FAM227B: variants seen among roughly 807,000 people sequenced by gnomAD.
FAM227B encodes family with sequence similarity 227 member B.
FAM227B carries 88 observed loss-of-function variants against 73.8 expected under a neutral mutation model. The observed-to-expected ratio is 1.19, with a 90% confidence interval of 1.00 to 1.42. The LOEUF is 1.42. Among genes scored for constraint, FAM227B ranks in the 40% most tolerant of loss-of-function variants. FAM227B has a pLI of 0.00. For synonymous variants in FAM227B, 210 were observed against 190.5 expected (o/e 1.10, Z -0.84); for missense variants, 632 against 590.9 (o/e 1.07, Z -0.72).
Position 49,518,789 on chromosome 15 carries a change from C to A in FAM227B, c.875-10441G>T, listed in dbSNP as rs567653143. Among the ~76,000 whole-genome samples, 141 of 152,274 alleles carry A rather than the reference C, an allele frequency of 9.3e-4. 5 individuals carry two copies. The South Asian group carries it at 0.027, about 29-fold the overall frequency. On this transcript the variant is annotated intron_variant, in intron 10 of 15. Transcript: ENST00000299338. ...GGTGGGGGACACAGCCAAACCATAT[C>A]ATTCCATGCCTGGCCCCTCCCAAAA...
chr15:49,414,129 C>T (rs754270212), intron 11 of FAM227B, among the ~76,000 whole-genome samples: 15 of 152,058 alleles, frequency 9.9e-5, no homozygotes, highest in Admixed American at 3.3e-4. Flanking sequence ...GCACACTATT[C>T]GAATACAGAG....
chr15:49,424,250 A>G, intron 11 of FAM227B: 1 of 1,534,554 alleles, frequency 6.5e-7, no homozygotes, highest in Non-Finnish European at 8.9e-7. Context: ...TCAACTCAAG[A>G]TTCATTTTCA....
chr15:49,502,750 G>A (rs1271200020), intron 11 of FAM227B, among the ~76,000 whole-genome samples: 1 of 152,108 alleles, frequency 6.6e-6, no homozygotes, highest in East Asian at 1.9e-4. Context: ...AGGGGTCAGT[G>A]GTGAAATGAT....
chr15:49,535,241 C>T (rs186410150), intron 10 of FAM227B, among the ~76,000 whole-genome samples: 26 of 151,262 alleles, frequency 1.7e-4, no homozygotes, highest in South Asian at 2.1e-4. Context: ...AAAGTGGAGA[C>T]GTTACAAGAG....
rs180960920 is a variant in FAM227B, at chr15:49,420,796, C to T, written c.1013-49397G>A. ...TCTCTGCTCACTGCAAGCTCTGCTT[C>T]CCAGGTTCACACCATTTTCCTGCCT... On this transcript the variant is annotated intron_variant, in intron 11 of 15. Coordinates refer to ENST00000299338, the MANE Select transcript of FAM227B (RefSeq NM_152647.3). 1.1e-4 allele frequency among the ~76,000 whole-genome samples: 16 copies of T among 152,284 alleles called. No homozygotes were observed. In the East Asian group the frequency reaches 3.1e-3, roughly 29 times the overall value.
At chr15:49,595,976 C>T (rs556446035) in intron 3 of FAM227B, among the ~76,000 whole-genome samples, 1 of 152,014 alleles carries the variant, frequency 6.6e-6, no homozygotes, top group South Asian at 2.1e-4. Flanking sequence ...GATTATGTTA[C>T]ATGACCAAAC....
intron 11 of FAM227B, among the ~76,000 whole-genome samples, chr15:49,464,539 T>C (rs1360682339): frequency 6.6e-6 from 1 of 152,168 alleles, no homozygotes; most frequent in Non-Finnish European, 1.5e-5. Flanking sequence ...TATATATAGG[T>C]AGGCAAAAAA....
intron 11 of FAM227B, among the ~76,000 whole-genome samples, chr15:49,447,886 A>G (rs1331680030): frequency 6.6e-6 from 1 of 151,734 alleles, no homozygotes; most frequent in Non-Finnish European, 1.5e-5. Flanking sequence ...TTTGTTTTTC[A>G]TGCCAATTAA....
At chr15:49,587,125 A>G (rs1460671015) in intron 5 of FAM227B, among the ~76,000 whole-genome samples, 1 of 152,212 alleles carries the variant, frequency 6.6e-6, no homozygotes, top group Non-Finnish European at 1.5e-5. Context: ...TGTGGTATAT[A>G]TACACCACGG....
chr15:49,380,759 G>C (rs1284281753), intron 11 of FAM227B, among the ~76,000 whole-genome samples: 1 of 150,718 alleles, frequency 6.6e-6, no homozygotes, highest in Non-Finnish European at 1.5e-5. Context: ...CTAAACACTT[G>C]AGCTACTTAA....
chr15:49,443,354 T>C (rs1276858205), intron 11 of FAM227B, among the ~76,000 whole-genome samples: 2 of 151,510 alleles, frequency 1.3e-5, no homozygotes, highest in African/African-American at 4.8e-5. Context: ...GGTATGCGTC[T>C]GTATATTTCT....
chr15:49,377,461 G>T (rs1479225779), intron 11 of FAM227B, among the ~76,000 whole-genome samples: 1 of 152,012 alleles, frequency 6.6e-6, no homozygotes, highest in Non-Finnish European at 1.5e-5. Context: ...CATAGTGGCT[G>T]TACTAATTTA....
At chr15:49,450,739 A>T (rs2052647269) in intron 11 of FAM227B, among the ~76,000 whole-genome samples, 1 of 151,852 alleles carries the variant, frequency 6.6e-6, no homozygotes, top group Admixed American at 6.6e-5. Flanking sequence ...ATCCAGTTTA[A>T]CAAAACTAAT....
At chr15:49,443,532 C>CT (rs140800327) in intron 11 of FAM227B, among the ~76,000 whole-genome samples, 3,713 of 151,650 alleles carry the variant, frequency 0.024, 119 homozygotes, top group South Asian at 0.16. Flanking sequence ...GTAGATTAAA[C>CT]TTAAGGTTTA....
chr15:49,531,657 T>G (rs1433191496), intron 10 of FAM227B, among the ~76,000 whole-genome samples: 1 of 152,010 alleles, frequency 6.6e-6, no homozygotes, highest in Non-Finnish European at 1.5e-5. Context: ...AAAAGCATTG[T>G]GCATTACTCC....
At chr15:49,442,646 A>G (rs12439479) in intron 11 of FAM227B, among the ~76,000 whole-genome samples, 38,793 of 151,554 alleles carry the variant, frequency 0.26, 5,318 homozygotes, top group East Asian at 0.44. Context: ...TAATTACATG[A>G]ATGCAGTGTC....
chr15:49,539,725 C>A (rs2070789481), intron 10 of FAM227B, among the ~76,000 whole-genome samples: 1 of 152,160 alleles, frequency 6.6e-6, no homozygotes, highest in Non-Finnish European at 1.5e-5. Context: ...TGCAAATTTA[C>A]TGTTGCTCTA....
chr15:49,374,763 C>G (rs1039755551), intron 11 of FAM227B, among the ~76,000 whole-genome samples: 1 of 152,142 alleles, frequency 6.6e-6, no homozygotes. Context: ...AGGCTGGTCT[C>G]GAACTCCTGA....
intron 11 of FAM227B, among the ~76,000 whole-genome samples, chr15:49,397,223 G>C (rs925742756): frequency 3.3e-5 from 5 of 152,094 alleles, no homozygotes; most frequent in Non-Finnish European, 5.9e-5. Context: ...GAGCCGACGC[G>C]ATCAACTAGA....
Sources: gnomAD v4.1 joint callset for allele counts (sites outside exome capture counted in the v4.1 genomes callset) on GRCh38, gnomAD v4.1.1 for gene constraint, MANE v1.5 for transcripts, NCBI Gene and HGNC (gene_info 2026-07-23, HGNC 2026-07-21) for gene names.